The following PAAF1 variants were observed in gnomAD, a reference collection of about 807,000 sequenced individuals.
PAAF1 encodes the protein proteasomal ATPase associated factor 1, also known as proteasomal ATPase-associated factor 1.
PAAF1 carries 46 observed loss-of-function variants against 52.8 expected under a neutral mutation model. That is an observed-to-expected ratio of 0.87 (90% CI 0.69 to 1.11). The LOEUF is 1.11. Among genes scored for constraint, PAAF1 ranks in the 50% most tolerant of loss-of-function variants. PAAF1 has a pLI of 0.00. For synonymous variants in PAAF1, 178 were observed against 172.8 expected, an observed-to-expected ratio of 1.03 and a Z score of -0.24; for missense variants, 424 against 477.4, an observed-to-expected ratio of 0.89 and a Z score of 1.04.
intron 9 of PAAF1, 75 bp from the exon 10 acceptor site, chr11:73,918,875 G>C: frequency 1.9e-6 from 2 of 1,030,384 alleles, no homozygotes; most frequent in African/African-American, 1.6e-5. Context: ...TATGTGGTTA[G>C]TACTATATGT....
intron 9 of PAAF1, among the ~76,000 whole-genome samples, chr11:73,917,733 A>G (rs1261956203): frequency 6.6e-6 from 1 of 152,154 alleles, no homozygotes; most frequent in East Asian, 1.9e-4. Flanking sequence ...TTAGCTGGGC[A>G]TGGTGGCACG....
intron 10 of PAAF1, among the ~76,000 whole-genome samples, chr11:73,920,816 C>T (rs1278243982): frequency 2.7e-5 from 4 of 149,148 alleles, no homozygotes; most frequent in Admixed American, 1.3e-4. Flanking sequence ...CACGCCACTG[C>T]ACTCCAGCCT....
intron 2 of PAAF1, chr11:73,880,285 C>G: frequency 6.6e-6 from 1 of 151,892 alleles, no homozygotes; most frequent in East Asian, 1.9e-4. Context: ...AACACACACA[C>G]AAATACACAA....
intron 2 of PAAF1, among the ~76,000 whole-genome samples, chr11:73,882,739 A>G (rs2135127557): frequency 6.6e-6 from 1 of 152,182 alleles, no homozygotes; most frequent in South Asian, 2.1e-4. Flanking sequence ...AGTAGCTGGG[A>G]TTACAGGTGT....
chr11:73,898,029 G>GA (rs1370938801), intron 4 of PAAF1, among the ~76,000 whole-genome samples: 1 of 152,176 alleles, frequency 6.6e-6, no homozygotes, highest in Non-Finnish European at 1.5e-5. Context: ...AAAAAAACAC[G>GA]AAAACCAGTC....
Position 73,899,178 on chromosome 11 carries a change from T to G in PAAF1, c.315T>G (p.Gly105=), listed in dbSNP as rs750685355. The change falls in exon 5 of 12, where the codon GGT becomes GGG. Residue 105 remains glycine, a synonymous_variant. Coordinates refer to ENST00000310571, the MANE Select transcript of PAAF1 (RefSeq NM_025155.3). ...GCCTGGACATTTCCAGCAGAGGAGG[T>G]CTTGGTGTGTCTTCTAGTACTGACG... ...ITCLDISSRG[G]LGVSSSTDGT... 6.2e-7 allele frequency: 1 copy of G among 1,613,906 alleles called. No homozygotes were observed. The highest frequency in any genetic ancestry group is 8.5e-7 in the Non-Finnish European group (1 of 1,179,948).
At chr11:73,917,246 C>A (rs1422969542) in intron 9 of PAAF1, among the ~76,000 whole-genome samples, 1 of 152,046 alleles carries the variant, frequency 6.6e-6, no homozygotes, top group African/African-American at 2.4e-5. Context: ...ATCTCGAATT[C>A]CTGACCTCGT....
intron 10 of PAAF1, among the ~76,000 whole-genome samples, chr11:73,919,395 T>C (rs989176324): frequency 2.0e-5 from 3 of 152,188 alleles, no homozygotes; most frequent in African/African-American, 7.2e-5. Context: ...GAAGAATAGC[T>C]AATTCTAGAG....
At chr11:73,916,483 CTGTT>C in intron 8 of PAAF1, 58 bp from the exon 9 acceptor site, 1 of 1,082,452 alleles carries the variant, frequency 9.2e-7, no homozygotes, top group Non-Finnish European at 1.3e-6. Flanking sequence ...TTTTTGGTGC[CTGTT>C]TATTCTTGGA....
At chr11:73,912,989 G>A (rs1272725077) in intron 7 of PAAF1, among the ~76,000 whole-genome samples, 2 of 152,010 alleles carry the variant, frequency 1.3e-5, no homozygotes, top group South Asian at 2.1e-4. Flanking sequence ...CAATTCTCCC[G>A]CCTCAGCCTC....
intron 7 of PAAF1, among the ~76,000 whole-genome samples, chr11:73,913,002 G>A (rs539341430): frequency 5.3e-5 from 8 of 152,138 alleles, no homozygotes; most frequent in East Asian, 1.9e-4. Flanking sequence ...TCAGCCTCCC[G>A]AGTAACTGGG....
At chr11:73,887,544 G>A in intron 3 of PAAF1, 87 bp downstream of exon 3, 1 of 786,664 alleles carries the variant, frequency 1.3e-6, no homozygotes, top group Non-Finnish European at 1.9e-6. Context: ...ACTATTATCT[G>A]TGTATCTCCA....
chr11:73,915,619 C>G (rs536417624), intron 8 of PAAF1, among the ~76,000 whole-genome samples: 1 of 152,266 alleles, frequency 6.6e-6, no homozygotes, highest in East Asian at 1.9e-4. Context: ...AAAAAAGGGA[C>G]TCATGCATTC....
chr11:73,877,286 C>T (rs1948768301), intron 1 of PAAF1: 1 of 400,708 alleles, frequency 2.5e-6, no homozygotes, highest in Non-Finnish European at 4.3e-6. Flanking sequence ...CTGTGTGATC[C>T]CCGCGTCAGA....
chr11:73,906,433 G>A (rs938666682), intron 6 of PAAF1, among the ~76,000 whole-genome samples: 1 of 152,044 alleles, frequency 6.6e-6, no homozygotes, highest in African/African-American at 2.4e-5. Flanking sequence ...TTGTATTTTA[G>A]TAGAGACGGG....
rs1227020650 is a variant in PAAF1 at position 73,877,318 on chromosome 11, A to G, written c.47+250A>G. 1.1e-5 allele frequency: 4 copies of G among 353,950 alleles called. No homozygotes were observed. The Admixed American group carries it at 1.9e-4, about 17-fold the overall frequency. 21.9% of individuals were successfully genotyped at this position (353,950 alleles called of 1,614,324 possible). On this transcript the variant is annotated intron_variant, in intron 1 of 11. Transcript: ENST00000310571. ...CAGAACTAGTATCAGTGAGTTGGAG[A>G]AAGACAGGGATACTGGGAGGCAGGA...
At chr11:73,909,041 C>T (rs575859571) in intron 6 of PAAF1, among the ~76,000 whole-genome samples, 1 of 152,288 alleles carries the variant, frequency 6.6e-6, no homozygotes. Context: ...CCTGCCTCGG[C>T]CTCCCAAAGT....
rs1950385124 is a variant in PAAF1, at chr11:73,927,196, G to A, written c.1102-89G>A. On this transcript the variant is annotated intron_variant, in intron 11 of 11. Transcript: ENST00000310571. The stretch of plus-strand genomic sequence containing the variant: ...TTCATAAAGCCTTCTCAGACTCCAT[G>A]GGACTAGTGTGTGTCAATCATAAGC... The A allele has an allele frequency of 6.3e-6, 6 of 946,204 alleles. No homozygotes were observed. In the Admixed American group the frequency reaches 1.1e-4, roughly 18 times the overall value. 58.6% of individuals were successfully genotyped at this position (946,204 alleles called of 1,614,324 possible).
rs1251882286 is a variant in PAAF1 at position 73,930,056 on chromosome 11, C to CAAA, written c.*2707_*2709dup. The CAAA allele has an allele frequency of 2.1e-5, 2 of 97,052 alleles. No individual in the cohort carries two copies. The highest frequency in any genetic ancestry group is 1.1e-4 in the Admixed American group (1 of 8,842). 6.0% of individuals were successfully genotyped at this position (97,052 alleles called of 1,614,324 possible). The stretch of plus-strand genomic sequence containing the variant: ...GGGCAACAAGAGTGAAACTCCGTCT[C>CAAA]AAAAAAAAAAAAAAAGAAAACAGGA... On this transcript the variant is annotated 3_prime_UTR_variant, in exon 12 of 12. Transcript: ENST00000310571.
Sources: gnomAD v4.1 joint callset for allele counts (sites outside exome capture counted in the v4.1 genomes callset) on GRCh38, gnomAD v4.1.1 for gene constraint, MANE v1.5 for transcripts, NCBI Gene and HGNC (gene_info 2026-07-23, HGNC 2026-07-21) for gene names.